HMGCLL1: variants seen among roughly 807,000 people sequenced by gnomAD.
HMGCLL1 encodes the protein 3-hydroxy-3-methylglutaryl-CoA lyase like 1.
A neutral mutation model predicts 39.1 loss-of-function variants in HMGCLL1; 36 were observed. That is an observed-to-expected ratio of 0.92 (90% CI 0.71 to 1.22). The LOEUF is 1.22. Ranked by LOEUF, HMGCLL1 falls within the 50% of genes most tolerant of loss-of-function variation. The pLI, the probability that HMGCLL1 is intolerant of heterozygous loss-of-function variation, is 0.00. For synonymous variants in HMGCLL1, 149 were observed against 144.0 expected (o/e 1.03, Z -0.25); for missense variants, 451 against 416.5 (o/e 1.08, Z -0.72).
At chr6:55,478,874 G>T (rs1250170302) in intron 7 of HMGCLL1, among the ~76,000 whole-genome samples, 1 of 150,768 alleles carries the variant, frequency 6.6e-6, no homozygotes, top group Non-Finnish European at 1.5e-5. Context: ...CATGGTAAAT[G>T]GATACATTAA....
chr6:55,636,353 A>T, the HMGCLL1 span, among the ~76,000 whole-genome samples: 1 of 152,156 alleles, frequency 6.6e-6, no homozygotes, highest in African/African-American at 2.4e-5. Flanking sequence ...AGAACTTTGA[A>T]GGTTAATATG....
intron 1 of HMGCLL1, among the ~76,000 whole-genome samples, chr6:55,551,777 A>C (rs1217386802): frequency 1.3e-5 from 2 of 152,100 alleles, no homozygotes; most frequent in African/African-American, 2.4e-5. Flanking sequence ...GTATTTTTGC[A>C]AAAGCAAATT....
chr6:55,480,670 G>A (rs1399296734), intron 7 of HMGCLL1, among the ~76,000 whole-genome samples: 1 of 151,726 alleles, frequency 6.6e-6, no homozygotes, highest in Non-Finnish European at 1.5e-5. Flanking sequence ...ATACCTAACA[G>A]ATATCTGTAC....
At chr6:55,561,919 T>G (rs1425282434) in intron 1 of HMGCLL1, among the ~76,000 whole-genome samples, 1 of 152,150 alleles carries the variant, frequency 6.6e-6, no homozygotes, top group African/African-American at 2.4e-5. Context: ...AACTAAATGA[T>G]GGAAGAAATT....
At chr6:55,623,973 T>C in the HMGCLL1 span, among the ~76,000 whole-genome samples, 1 of 152,032 alleles carries the variant, frequency 6.6e-6, no homozygotes, top group African/African-American at 2.4e-5. Context: ...CTGACCTCCA[T>C]TAGCCCCTAC....
chr6:55,496,724 GA>G lies in HMGCLL1; in HGVS notation c.607-1118del, dbSNP rs534858204. ...AGCAGAAAAAAGTCATGACATGAGA[GA>G]AAGCTGAATTGCTCAATACGCATCA... On this transcript the variant is annotated intron_variant, in intron 6 of 8. Coordinates refer to ENST00000274901, the MANE Select transcript of HMGCLL1 (RefSeq NM_001042406.2). Among the ~76,000 whole-genome samples, 351 of 152,232 alleles carry G rather than the reference GA, an allele frequency of 2.3e-3. 4 individuals are homozygous for G. Among genetic ancestry groups the G allele is most frequent in the South Asian group, 9.5e-3 (46 of 4,830 alleles).
At chr6:55,540,933 T>C (rs866428038) in intron 3 of HMGCLL1, among the ~76,000 whole-genome samples, 12 of 152,238 alleles carry the variant, frequency 7.9e-5, no homozygotes, top group Middle Eastern at 3.4e-3. Flanking sequence ...TCATGAAAGA[T>C]GTCAGAGATG....
At chr6:55,627,313 T>C in the HMGCLL1 span, among the ~76,000 whole-genome samples, 2 of 152,120 alleles carry the variant, frequency 1.3e-5, no homozygotes, top group Non-Finnish European at 2.9e-5. Context: ...ATTTATTGAC[T>C]TCTTGTCAGC....
intron 7 of HMGCLL1, among the ~76,000 whole-genome samples, chr6:55,476,945 C>CTT (rs1765320946): frequency 9.6e-4 from 106 of 110,610 alleles, no homozygotes; most frequent in East Asian, 2.9e-3. Flanking sequence ...AACAGCTGCT[C>CTT]TTAAATCAAA....
chr6:55,477,146 A>ATATT (rs1561903874), intron 7 of HMGCLL1, among the ~76,000 whole-genome samples: 2 of 62,720 alleles, frequency 3.2e-5, no homozygotes, highest in African/African-American at 1.3e-4. Flanking sequence ...TAGATATAAT[A>ATATT]TATATATTAT....
chr6:55,671,113 A>G, the HMGCLL1 span, among the ~76,000 whole-genome samples: 2,054 of 151,970 alleles, frequency 0.014, 52 homozygotes, highest in African/African-American at 0.047. Context: ...TCGAAGAATG[A>G]TCCTTGACCT....
chr6:55,678,177 G>A, the HMGCLL1 span, among the ~76,000 whole-genome samples: 1 of 152,136 alleles, frequency 6.6e-6, no homozygotes, highest in Admixed American at 6.6e-5. Flanking sequence ...CAGAGCTATG[G>A]GTGAGGTCAT....
rs200185884 is a variant in HMGCLL1 at position 55,474,634 on chromosome 6, T to C, written c.795+20785A>G. 4.0e-5 allele frequency among the ~76,000 whole-genome samples: 6 copies of C among 151,662 alleles called. No homozygotes were observed. In the East Asian group the frequency reaches 1.2e-3, roughly 29 times the overall value. Reference sequence around the variant, plus strand: ...TCATATCTGAGTCTGATTCTGAGGGTTGCTTTGTCTCTTCAGGCTGTATTT... The same window carrying C: ...TCATATCTGAGTCTGATTCTGAGGGCTGCTTTGTCTCTTCAGGCTGTATTT... On this transcript the variant is annotated intron_variant, in intron 7 of 8. Transcript: ENST00000274901.
intron 7 of HMGCLL1, among the ~76,000 whole-genome samples, chr6:55,457,168 A>T (rs113990562): frequency 6.6e-6 from 1 of 152,108 alleles, no homozygotes; most frequent in Non-Finnish European, 1.5e-5. Context: ...AACTTGAATT[A>T]TTTTCTACCA....
At chr6:55,633,798 T>C in the HMGCLL1 span, among the ~76,000 whole-genome samples, 4 of 152,024 alleles carry the variant, frequency 2.6e-5, no homozygotes, top group African/African-American at 9.7e-5. Flanking sequence ...AAGAGGCATG[T>C]ACAAGTCTAA....
chr6:55,516,584 A>T lies in HMGCLL1; in HGVS notation c.317T>A (p.Val106Glu). 1 of 1,596,824 alleles carries T rather than the reference A, an allele frequency of 6.3e-7. No homozygotes were observed. The highest frequency in any genetic ancestry group is 8.6e-7 in the Non-Finnish European group (1 of 1,167,860). Residue 106 changes from valine (V) to glutamate (E), a missense_variant, in exon 4 of 9, where the codon GTA becomes GAA. Val to Glu is a moderately radical substitution (Grantham distance 121). Coordinates refer to ENST00000274901, the MANE Select transcript of HMGCLL1 (RefSeq NM_001042406.2). ...WVPQMADHTEVMKGIHQYPGV... is the reference protein window; with the variant it reads ...WVPQMADHTEEMKGIHQYPGV... ...TGGATATTGATGAATGCCTTTCATT[A>T]CTTCAGTGTGATCAGCCATCTTAAA... is the stretch of plus-strand genomic sequence containing the variant.
intron 1 of HMGCLL1, among the ~76,000 whole-genome samples, chr6:55,574,921 C>A (rs796208420): frequency 2.4e-4 from 36 of 152,060 alleles, no homozygotes; most frequent in African/African-American, 8.2e-4. Context: ...AATTTAATCT[C>A]ACATAATCTA....
chr6:55,659,438 G>A, the HMGCLL1 span, among the ~76,000 whole-genome samples: 1 of 151,920 alleles, frequency 6.6e-6, no homozygotes, highest in South Asian at 2.1e-4. Context: ...TTGCCCTGCA[G>A]AGATAGAATC....
At chr6:55,464,202 T>A (rs1247509159) in intron 7 of HMGCLL1, among the ~76,000 whole-genome samples, 1 of 152,030 alleles carries the variant, frequency 6.6e-6, no homozygotes, top group East Asian at 1.9e-4. Flanking sequence ...ATTAAATCTG[T>A]CTATGTCATA....
Sources: allele counts gnomAD v4.1 joint callset (sites outside exome capture counted in the v4.1 genomes callset), GRCh38; gene constraint gnomAD v4.1.1; transcripts MANE v1.5; gene names NCBI Gene and HGNC (gene_info 2026-07-23, HGNC 2026-07-21).